The following LRRC4C variants were observed in gnomAD, a reference collection of about 807,000 sequenced individuals.
LRRC4C encodes leucine-rich repeat-containing protein 4C.
LRRC4C carries 5 observed loss-of-function variants against 33.6 expected under a neutral mutation model. That is an observed-to-expected ratio of 0.15 (90% CI 0.08 to 0.31). The LOEUF (loss-of-function observed/expected upper bound fraction) is 0.31. LRRC4C is among the 10% of genes least tolerant of loss of function. The probability of loss-of-function intolerance (pLI) is 1.00; values close to 1 mark genes in which losing one functional copy is unlikely to be tolerated. For missense variants in LRRC4C, 560 were observed against 796.7 expected, an observed-to-expected ratio of 0.70 and a Z score of 3.58; for synonymous variants, 329 against 302.0, an observed-to-expected ratio of 1.09 and a Z score of -0.93.
intron 3 of LRRC4C, among the ~76,000 whole-genome samples, chr11:40,474,424 A>C (rs1050466793): frequency 6.6e-6 from 1 of 152,216 alleles, no homozygotes; most frequent in Non-Finnish European, 1.5e-5. Flanking sequence ...CTTATAAAAA[A>C]AATTAACTCA....
At chr11:41,083,087 C>T (rs1433224214) in intron 1 of LRRC4C, among the ~76,000 whole-genome samples, 1 of 151,940 alleles carries the variant, frequency 6.6e-6, no homozygotes, top group African/African-American at 2.4e-5. Flanking sequence ...CCAGATTGTG[C>T]AAGGTGTAAA....
intron 2 of LRRC4C, among the ~76,000 whole-genome samples, chr11:40,818,427 T>C (rs1951792844): frequency 6.6e-6 from 1 of 152,112 alleles, no homozygotes; most frequent in East Asian, 1.9e-4. Flanking sequence ...AATTGCTAAA[T>C]ATATCAAATA....
At chr11:40,366,815 G>C (rs1948227028) in intron 3 of LRRC4C, among the ~76,000 whole-genome samples, 1 of 151,998 alleles carries the variant, frequency 6.6e-6, no homozygotes, top group Non-Finnish European at 1.5e-5. Context: ...CAGCTAACAA[G>C]GTATCTGACC....
chr11:40,574,605 T>C (rs547000103), intron 3 of LRRC4C, among the ~76,000 whole-genome samples: 2 of 152,290 alleles, frequency 1.3e-5, no homozygotes, highest in East Asian at 3.9e-4. Context: ...TACAATGTAT[T>C]CAAACCTCCT....
At chr11:41,241,834 C>T (rs1948262564) in intron 1 of LRRC4C, among the ~76,000 whole-genome samples, 1 of 152,152 alleles carries the variant, frequency 6.6e-6, no homozygotes, top group South Asian at 2.1e-4. Flanking sequence ...CTCTGTTGTG[C>T]TCAGTGCAAG....
chr11:40,911,631 C>T (rs913720758), intron 2 of LRRC4C, among the ~76,000 whole-genome samples: 1 of 152,196 alleles, frequency 6.6e-6, no homozygotes, highest in African/African-American at 2.4e-5. Flanking sequence ...TTCTAAAAAT[C>T]AGAGAGCCTC....
At chr11:40,768,740 AT>A (rs748303603) in intron 2 of LRRC4C, among the ~76,000 whole-genome samples, 2 of 152,250 alleles carry the variant, frequency 1.3e-5, no homozygotes, top group Non-Finnish European at 2.9e-5. Flanking sequence ...AAAAAAACAT[AT>A]GATCATTTCA....
At chr11:41,252,754 G>A (rs114255295) in intron 1 of LRRC4C, among the ~76,000 whole-genome samples, 2,198 of 152,216 alleles carry the variant, frequency 0.014, 63 homozygotes, top group African/African-American at 0.05. Context: ...AACTGGGAAG[G>A]CCTCACAATC....
intron 3 of LRRC4C, among the ~76,000 whole-genome samples, chr11:40,633,397 T>TTC (rs1234723794): frequency 1.6e-5 from 1 of 63,406 alleles, no homozygotes; most frequent in African/African-American, 5.3e-5. Flanking sequence ...CTTTCTTTCT[T>TTC]TTTTTTTTTT....
intron 4 of LRRC4C, among the ~76,000 whole-genome samples, chr11:40,265,713 A>C (rs1258746456): frequency 6.6e-6 from 1 of 152,218 alleles, no homozygotes; most frequent in African/African-American, 2.4e-5. Context: ...AATATCAATA[A>C]AATTCAGCTC....
chr11:41,215,762 T>C (rs1947035228), intron 1 of LRRC4C, among the ~76,000 whole-genome samples: 1 of 152,212 alleles, frequency 6.6e-6, no homozygotes, highest in Non-Finnish European at 1.5e-5. Flanking sequence ...CATCTCTCGA[T>C]AGAAATTTGA....
intron 3 of LRRC4C, among the ~76,000 whole-genome samples, chr11:40,531,578 C>T (rs966450454): frequency 6.6e-6 from 1 of 152,146 alleles, no homozygotes; most frequent in Non-Finnish European, 1.5e-5. Context: ...GTTCTTTTCT[C>T]AGGCCAGCTT....
At chr11:41,413,051 CT>C (rs905490743) in intron 1 of LRRC4C, among the ~76,000 whole-genome samples, 3 of 150,992 alleles carry the variant, frequency 2.0e-5, no homozygotes, top group East Asian at 1.9e-4. Context: ...TTCTTTTCTT[CT>C]TTTTTTTCTT....
At chr11:40,151,514 T>C (rs1246864751) in intron 5 of LRRC4C, among the ~76,000 whole-genome samples, 1 of 152,198 alleles carries the variant, frequency 6.6e-6, no homozygotes, top group Non-Finnish European at 1.5e-5. Context: ...TTTCAAGAAA[T>C]TATAATTTCA....
At chr11:40,303,256 T>G (rs931585535) in intron 4 of LRRC4C, among the ~76,000 whole-genome samples, 2 of 152,126 alleles carry the variant, frequency 1.3e-5, no homozygotes, top group East Asian at 1.9e-4. Context: ...ATAAGAAATG[T>G]CAAGGGTTAG....
At chr11:41,451,202 G>C (rs890930301) in intron 1 of LRRC4C, among the ~76,000 whole-genome samples, 1 of 152,114 alleles carries the variant, frequency 6.6e-6, no homozygotes. Flanking sequence ...GCAAAAGAAT[G>C]TACTGTTACC....
intron 1 of LRRC4C, among the ~76,000 whole-genome samples, chr11:41,277,215 T>C (rs1441099046): frequency 2.0e-5 from 3 of 152,164 alleles, no homozygotes; most frequent in Non-Finnish European, 4.4e-5. Flanking sequence ...AAAAATAACA[T>C]GAATGCTAAC....
chr11:40,909,427 C>G (rs536743658), intron 2 of LRRC4C, among the ~76,000 whole-genome samples: 15 of 151,930 alleles, frequency 9.9e-5, no homozygotes, highest in Non-Finnish European at 2.1e-4. Flanking sequence ...AGTAAGAAGG[C>G]TATTAACTAG....
intron 3 of LRRC4C, among the ~76,000 whole-genome samples, chr11:40,366,926 A>T (rs1481071028): frequency 1.3e-5 from 2 of 152,108 alleles, no homozygotes; most frequent in Non-Finnish European, 2.9e-5. Context: ...TAGTTGTATC[A>T]TTCCACATGG....
Sources: allele counts gnomAD v4.1 joint callset (sites outside exome capture counted in the v4.1 genomes callset), GRCh38; gene constraint gnomAD v4.1.1; transcripts MANE v1.5; gene names NCBI Gene and HGNC (gene_info 2026-07-23, HGNC 2026-07-21).